Variants in ERBB2 observed in about 807,000 individuals in gnomAD.
ERBB2 encodes the protein erb-b2 receptor tyrosine kinase 2, also known as receptor tyrosine-protein kinase erbB-2.
ERBB2 carries 61 observed loss-of-function variants against 149.0 expected under a neutral mutation model. That is an observed-to-expected ratio of 0.41 (90% CI 0.33 to 0.51). The LOEUF (loss-of-function observed/expected upper bound fraction) is 0.51. Among genes scored for constraint, ERBB2 ranks in the 20% least tolerant of loss-of-function variants. ERBB2 has a pLI of 0.25. For synonymous variants in ERBB2, 633 were observed against 678.8 expected, an observed-to-expected ratio of 0.93 and a Z score of 1.05; for missense variants, 1,205 against 1,655.1, an observed-to-expected ratio of 0.73 and a Z score of 4.72.
chr17:39,699,939 CTTG>C (rs1459759998), upstream of ERBB2: 49 of 1,136,178 alleles, frequency 4.3e-5, no homozygotes, highest in Non-Finnish European at 5.4e-5. Context: ...CACTCCCAGA[CTTG>C]TTGGAATGCA....
chr17:39,721,607 A>G (rs2059457509), intron 16 of ERBB2, among the ~76,000 whole-genome samples: 3 of 152,128 alleles, frequency 2.0e-5, no homozygotes, highest in Admixed American at 2.0e-4. Context: ...CTGTGGAGAA[A>G]TGGTGGTCCA....
chr17:39,725,520 G>C lies in ERBB2; in HGVS notation c.2725+118G>C. The C allele has an allele frequency of 8.0e-7, 1 of 1,246,826 alleles. No individual in the cohort carries two copies. The highest frequency in any genetic ancestry group is 1.1e-6 in the Non-Finnish European group (1 of 871,544). 77.2% of individuals were successfully genotyped at this position (1,246,826 alleles called of 1,614,324 possible). A position where few individuals can be genotyped will look rare whatever the true frequency, so the allele number is the denominator to read the frequency against. On this transcript the variant is annotated intron_variant, in intron 22 of 26. Transcript: ENST00000269571. The surrounding 1 kb of genome is among the most constrained non-coding windows in gnomAD (Gnocchi z 4.6). The stretch of plus-strand genomic sequence containing the variant: ...AGCATGTGAAGGGAGGGAAGGGGCT[G>C]CCTGTGCCCCACCTTGCAGGGTCTG...
chr17:39,712,210 T>A lies in ERBB2; in HGVS notation c.1022-112T>A, dbSNP rs771808305. 5.9e-6 allele frequency: 9 copies of A among 1,521,648 alleles called. No homozygotes were observed. The South Asian group carries it at 1.0e-4, about 17-fold the overall frequency. The allele number at this position is 1,521,648 out of a possible 1,614,324, so 94.3% of individuals were successfully genotyped here. A position where few individuals can be genotyped will look rare whatever the true frequency, so the allele number is the denominator to read the frequency against. Reference sequence around the variant, plus strand: ...CCCCTCAGCCCTACAAGTGTCCCTATATCCCCTGTCAGTGTGGGGAGGGGC... The same window carrying A: ...CCCCTCAGCCCTACAAGTGTCCCTAAATCCCCTGTCAGTGTGGGGAGGGGC... On this transcript the variant is annotated intron_variant, in intron 8 of 26. Transcript: ENST00000269571.
intron 15 of ERBB2, among the ~76,000 whole-genome samples, chr17:39,718,912 A>T (rs1018745568): frequency 6.6e-6 from 1 of 152,232 alleles, no homozygotes; most frequent in East Asian, 1.9e-4. Context: ...TGTTTATCAC[A>T]AGGATATATT....
chr17:39,688,531 A>G (rs1344263280), intron 1 of ERBB2, among the ~76,000 whole-genome samples: 2 of 152,090 alleles, frequency 1.3e-5, no homozygotes, highest in African/African-American at 2.4e-5. Flanking sequence ...CTGGCTCCCA[A>G]TTACCTTGGG....
intron 2 of ERBB2, among the ~76,000 whole-genome samples, chr17:39,689,161 T>G (rs2145177290): frequency 6.6e-6 from 1 of 152,286 alleles, no homozygotes; most frequent in South Asian, 2.1e-4. Context: ...ATTCACTCAC[T>G]TAACAAACAT....
At chr17:39,706,768 A>T in intron 1 of ERBB2, 1 of 396,530 alleles carries the variant, frequency 2.5e-6, no homozygotes, top group South Asian at 1.0e-4. Context: ...GGGTGGGCCT[A>T]GTCAGAAGAA....
At chr17:39,699,480 T>G, upstream of ERBB2, 1 of 1,457,948 alleles carries the variant, frequency 6.9e-7, no homozygotes, top group Non-Finnish European at 9.1e-7. Flanking sequence ...AAAAAGTCCT[T>G]TCGATGTGAC....
chr17:39,725,169 A>T lies in ERBB2; in HGVS notation c.2614A>T (p.Ile872Phe), dbSNP rs371081280. 2 of 1,613,982 alleles carry T rather than the reference A, an allele frequency of 1.2e-6. No individual in the cohort carries two copies. Among genetic ancestry groups the T allele is most frequent in the African/African-American group, 2.7e-5 (2 of 74,926 alleles). ...TDFGLARLLD[I>F]DETEYHADGG... ...CTTCGGGCTGGCTCGGCTGCTGGAC[A>T]TTGACGAGACAGAGTACCATGCAGA... Residue 872 changes from isoleucine to phenylalanine, a missense_variant, in exon 21 of 27, where the codon ATT (isoleucine) becomes TTT (phenylalanine). By Grantham distance (21) the Ile-to-Phe change is conservative. This residue lies in a region of ERBB2 where 152 missense variants were observed against 318.1 expected (regional missense o/e 0.48). Transcript: ENST00000269571. This position sits in a 1 kb window ranked among gnomAD's most constrained non-coding sequence, Gnocchi z 4.6.
At chr17:39,710,247 G>A (rs1201984330) in intron 6 of ERBB2, 46 bp downstream of exon 6, 1 of 1,607,604 alleles carries the variant, frequency 6.2e-7, no homozygotes. Context: ...CCCCCAGGAT[G>A]CAAGGGGTGG....
chr17:39,707,214 A>G (rs1267864655), intron 2 of ERBB2, 73 bp downstream of exon 2: 1 of 1,332,482 alleles, frequency 7.5e-7, no homozygotes, highest in South Asian at 1.7e-5. Flanking sequence ...GGTGGGTGGC[A>G]GAAGAAGGTG....
chr17:39,719,879 C>T (rs2059355621), intron 16 of ERBB2, 45 bp downstream of exon 16: 14 of 1,588,340 alleles, frequency 8.8e-6, no homozygotes, highest in Non-Finnish European at 1.2e-5. Context: ...CCTTCACTCC[C>T]CCACTGGATG....
chr17:39,710,951 T>C (rs2058760959), intron 7 of ERBB2, among the ~76,000 whole-genome samples: 1 of 152,196 alleles, frequency 6.6e-6, no homozygotes, highest in South Asian at 2.1e-4. Context: ...GTTAGCTCTA[T>C]CGCAGTGGCG....
chr17:39,712,197 A>T, intron 8 of ERBB2, 125 bp from the exon 9 acceptor site: 1 of 1,521,414 alleles, frequency 6.6e-7, no homozygotes, highest in South Asian at 1.1e-5. Context: ...CCTCAGCCCT[A>T]CAAGTGTCCC....
In ERBB2 at chr17:39,723,917, C is replaced by T. The variant is rs2145825112; in HGVS notation, c.2214C>T (p.Ile738=). The change falls in exon 19 of 27, where the codon ATC becomes ATT. Residue 738 remains isoleucine (I), a synonymous_variant. Transcript: ENST00000269571. The surrounding 1 kb of genome is among the most constrained non-coding windows in gnomAD (Gnocchi z 6.2). ...ATCCTCCTCTTTCTGCCCAGGGCAT[C>T]TGGATCCCTGATGGGGAGAATGTGA... The part of the protein sequence containing the change: ...SGAFGTVYKG[I]WIPDGENVKI... 6.2e-7 allele frequency: 1 copy of T among 1,613,656 alleles called. No individual in the cohort carries two copies. Among genetic ancestry groups the T allele is most frequent in the Non-Finnish European group, 8.5e-7 (1 of 1,179,590 alleles).
rs2059873803 is a variant in ERBB2, at chr17:39,727,978, C to A, written c.3702C>A (p.Pro1234=). The A allele has an allele frequency of 6.2e-7, 1 of 1,613,376 alleles. No homozygotes were observed. Among genetic ancestry groups the A allele is most frequent in the Non-Finnish European group, 8.5e-7 (1 of 1,179,972 alleles). ...DQDPPERGAP[P]STFKGTPTAE... is the part of the protein sequence containing the mutation. ...ACCCACCAGAGCGGGGGGCTCCACC[C>A]AGCACCTTCAAAGGGACACCTACGG... is the stretch of plus-strand genomic sequence containing the variant. Residue 1234 remains proline (P), a synonymous_variant, in exon 27 of 27, where the codon CCC becomes CCA. Coordinates refer to ENST00000269571, the MANE Select transcript of ERBB2 (RefSeq NM_004448.4). The surrounding 1 kb of genome is among the most constrained non-coding windows in gnomAD (Gnocchi z 4.3).
chr17:39,722,847 G>A (rs1237396983), intron 16 of ERBB2, among the ~76,000 whole-genome samples: 2 of 151,970 alleles, frequency 1.3e-5, no homozygotes, highest in Admixed American at 1.3e-4. Flanking sequence ...CTCCCAAGTA[G>A]CTGGGATTAC....
Position 39,723,306 on chromosome 17 carries a change from CT to C in ERBB2, c.1947-11del, listed in dbSNP as rs1457479512. ...ACTAGCCCTCAATCCCTGACCCTGGCTTCCGCCCCCAGCCCTCTGACGTCCA... is the reference window on the plus strand; with the variant it reads ...ACTAGCCCTCAATCCCTGACCCTGGCTCCGCCCCCAGCCCTCTGACGTCCA... On this transcript the variant is annotated splice_polypyrimidine_tract_variant and intron_variant, in intron 16 of 26. Transcript: ENST00000269571. This position sits in a 1 kb window ranked among gnomAD's most constrained non-coding sequence, Gnocchi z 6.2. The C allele has an allele frequency of 6.2e-7, 1 of 1,613,258 alleles. No homozygotes were observed. The highest frequency in any genetic ancestry group is 2.2e-5 in the East Asian group (1 of 44,844).
rs1233920140 is a variant in ERBB2, at chr17:39,726,552, C to T, written c.2873-10C>T. The T allele has an allele frequency of 2.5e-6, 4 of 1,613,342 alleles. No individual in the cohort carries two copies. Among genetic ancestry groups the T allele is most frequent in the Admixed American group, 3.3e-5 (2 of 60,020 alleles). On this transcript the variant is annotated splice_polypyrimidine_tract_variant and intron_variant, in intron 23 of 26. Transcript: ENST00000269571. The surrounding 1 kb of genome is among the most constrained non-coding windows in gnomAD (Gnocchi z 5.1). ...CTGGGACTAGCATGCTGACCTCCCT[C>T]CTGCCCCAGGTTGGATGATTGACTC...
Sources: allele counts gnomAD v4.1 joint callset (sites outside exome capture counted in the v4.1 genomes callset), GRCh38; gene constraint gnomAD v4.1.1; regional missense constraint gnomAD v4.1.1; non-coding constraint Gnocchi (gnomAD v3.1); transcripts MANE v1.5; gene names NCBI Gene and HGNC (gene_info 2026-07-23, HGNC 2026-07-21).